Variants in KIAA1549 observed in about 807,000 individuals in gnomAD.
The protein encoded by KIAA1549 is UPF0606 protein KIAA1549.
Under a neutral mutation model 156.4 loss-of-function variants are expected in KIAA1549, and 70 were observed. That is an observed-to-expected ratio of 0.45 (90% CI 0.37 to 0.55). The LOEUF (loss-of-function observed/expected upper bound fraction) is 0.55. Among genes scored for constraint, KIAA1549 ranks in the 20% least tolerant of loss-of-function variants. The pLI is 0.00. For synonymous variants in KIAA1549, 1,103 were observed against 1,066.4 expected (o/e 1.03, Z -0.67); for missense variants, 2,428 against 2,540.9 (o/e 0.96, Z 0.96).
At position 138,925,467 on chromosome 7, in the gene KIAA1549, G is replaced by A. The variant is rs570384464; in HGVS notation, c.188-6029C>T. Among the ~76,000 whole-genome samples the A allele has an allele frequency of 2.0e-5, 3 of 152,190 alleles. No individual in the cohort carries two copies. In the South Asian group the frequency reaches 6.2e-4, roughly 32 times the overall value. The stretch of plus-strand genomic sequence containing the variant: ...GGCTGAAGGCTCTTCATACCACAGC[G>A]TGTTTTGTCAAATCAAGCCACCAAA... On this transcript the variant is annotated intron_variant, in intron 1 of 19. Coordinates refer to ENST00000422774, the MANE Select transcript of KIAA1549 (RefSeq NM_001164665.2).
chr7:138,861,554 T>A, intron 15 of KIAA1549, 98 bp from the exon 16 acceptor site: 3 of 1,022,464 alleles, frequency 2.9e-6, no homozygotes, highest in South Asian at 1.4e-5. Context: ...TCATAAGAAT[T>A]AAAAAATGAC....
Position 138,926,687 on chromosome 7 carries a change from G to C in KIAA1549, c.188-7249C>G, listed in dbSNP as rs190334828. Reference sequence around the variant, plus strand: ...TTCTCCATGTTCCATTTATCTTCCTGGTTTAGAAAAAAGTGTCTTCCCCTT... The same window carrying C: ...TTCTCCATGTTCCATTTATCTTCCTCGTTTAGAAAAAAGTGTCTTCCCCTT... On this transcript the variant is annotated intron_variant, in intron 1 of 19. Coordinates refer to ENST00000422774, the MANE Select transcript of KIAA1549 (RefSeq NM_001164665.2). Among the ~76,000 whole-genome samples the C allele has an allele frequency of 2.6e-3, 402 of 151,934 alleles. 1 individual carries two copies. The highest frequency in any genetic ancestry group is 9.1e-3 in the African/African-American group (378 of 41,454).
chr7:138,862,512 A>G (rs554909078), intron 15 of KIAA1549, among the ~76,000 whole-genome samples: 10 of 151,684 alleles, frequency 6.6e-5, no homozygotes, highest in African/African-American at 2.2e-4. Context: ...TTAAAAAAAA[A>G]AAAAAGAAAA....
chr7:138,913,035 C>T (rs770969435), intron 2 of KIAA1549, among the ~76,000 whole-genome samples: 115 of 152,244 alleles, frequency 7.6e-4, no homozygotes, highest in Non-Finnish European at 1.3e-3. Flanking sequence ...CCACCACGCC[C>T]GGCTAATTTT....
intron 1 of KIAA1549, among the ~76,000 whole-genome samples, chr7:138,965,991 A>G (rs190271794): frequency 6.6e-6 from 1 of 151,836 alleles, no homozygotes; most frequent in Admixed American, 6.6e-5. Context: ...CACCAGGCAC[A>G]CTCCTGCCTC....
intron 1 of KIAA1549, 84 bp downstream of exon 1, chr7:138,980,999 C>A: frequency 8.7e-7 from 1 of 1,144,240 alleles, no homozygotes. Flanking sequence ...AGAGGATGGG[C>A]GGGGAAAGCC....
chr7:138,908,383 T>C (rs1317503865), intron 5 of KIAA1549, among the ~76,000 whole-genome samples: 2 of 152,108 alleles, frequency 1.3e-5, no homozygotes, highest in Admixed American at 6.5e-5. Flanking sequence ...AAAAATTCAG[T>C]AGAGGGATTG....
intron 8 of KIAA1549, among the ~76,000 whole-genome samples, chr7:138,901,308 T>C (rs1210420750): frequency 6.6e-6 from 1 of 151,314 alleles, no homozygotes; most frequent in East Asian, 1.9e-4. Context: ...CATACTTTTG[T>C]AGCCTCTCTT....
rs547072165 is a variant in KIAA1549 at position 138,883,186 on chromosome 7, T to G, written c.4033-1602A>C. The stretch of plus-strand genomic sequence containing the variant: ...TACTCGGGAGGGTGAGGCAGGAGAA[T>G]CACTTCAACCTAGGAGTTGGAGATT... On this transcript the variant is annotated intron_variant, in intron 10 of 19. Transcript: ENST00000422774. Among the ~76,000 whole-genome samples, 48 of 135,852 alleles carry G rather than the reference T, an allele frequency of 3.5e-4. No homozygotes were observed. In the South Asian group the frequency reaches 0.01, roughly 29 times the overall value. 89.1% of individuals were successfully genotyped at this position (135,852 alleles called of 152,430 possible). A position where few individuals can be genotyped will look rare whatever the true frequency, so the allele number is the denominator to read the frequency against.
chr7:138,833,755 A>T lies in KIAA1549; in HGVS notation c.*4151T>A. The T allele has an allele frequency of 4.3e-6, 1 of 233,110 alleles. No individual in the cohort carries two copies. The highest frequency in any genetic ancestry group is 8.5e-6 in the Non-Finnish European group (1 of 117,954). The allele number at this position is 233,110 out of a possible 1,614,324, so 14.4% of individuals were successfully genotyped here. A position where few individuals can be genotyped will look rare whatever the true frequency, so the allele number is the denominator to read the frequency against. On this transcript the variant is annotated 3_prime_UTR_variant, in exon 20 of 20. Transcript: ENST00000422774. Reference sequence around the variant, plus strand: ...AAACGGCTGCTTGAGATCTGCTCTAAACAATGACCTCAGTGTCATTCTCAT... The same window carrying T: ...AAACGGCTGCTTGAGATCTGCTCTATACAATGACCTCAGTGTCATTCTCAT...
intron 17 of KIAA1549, among the ~76,000 whole-genome samples, chr7:138,845,030 A>G (rs1810034861): frequency 6.6e-6 from 1 of 152,176 alleles, no homozygotes. Flanking sequence ...AAAGCAGCGG[A>G]TCGCAAACTT....
At chr7:138,938,834 G>A (rs1156264799) in intron 1 of KIAA1549, among the ~76,000 whole-genome samples, 2 of 152,028 alleles carry the variant, frequency 1.3e-5, no homozygotes, top group Non-Finnish European at 2.9e-5. Context: ...CATTACCTGA[G>A]GACAAGAGTA....
Position 138,912,391 on chromosome 7 carries a change from T to C in KIAA1549, c.2948A>G (p.Asn983Ser), listed in dbSNP as rs748690147. 7.4e-6 allele frequency: 12 copies of C among 1,613,772 alleles called. No individual in the cohort carries two copies. In the Admixed American group the frequency reaches 1.3e-4, roughly 18 times the overall value. ...AIKEVLRIHF[N>S]RAVELKVYEL... ...ACTCACCTTCAGTTCCACTGCACGG[T>C]TGAAGTGAATCCTCAGTACTTCTTT... The change falls in exon 3 of 20, where the codon AAC becomes AGC. Residue 983 changes from asparagine to serine, a missense_variant. Physicochemically the swap from Asn to Ser is conservative, Grantham distance 46. Around this residue, in one of 5 missense-constraint regions of KIAA1549, gnomAD observed 762 missense variants for 901.6 expected, o/e 0.85. Transcript: ENST00000422774.
intron 1 of KIAA1549, among the ~76,000 whole-genome samples, chr7:138,923,120 C>G (rs1812609224): frequency 6.6e-6 from 1 of 152,192 alleles, no homozygotes; most frequent in Non-Finnish European, 1.5e-5. Flanking sequence ...ACAAAATCCT[C>G]AAGTGCTGAG....
Position 138,920,164 on chromosome 7 carries a change from T to C in KIAA1549, c.188-726A>G, listed in dbSNP as rs568983114. Among the ~76,000 whole-genome samples, 39 of 145,590 alleles carry C rather than the reference T, an allele frequency of 2.7e-4. 1 individual carries two copies. The East Asian group carries it at 3.8e-3, about 14-fold the overall frequency. On this transcript the variant is annotated intron_variant, in intron 1 of 19. Transcript: ENST00000422774. ...TGCACATTCTCACCCCCGCCTGGAA[T>C]GCCCTTCCCAGCTCTCTACATGGAT...
rs1327227426 is a variant in KIAA1549 at position 138,833,028 on chromosome 7, G to GT, written c.*4877dup. 4.3e-6 allele frequency: 1 copy of GT among 232,072 alleles called. No individual in the cohort carries two copies. The highest frequency in any genetic ancestry group is 8.5e-6 in the Non-Finnish European group (1 of 117,366). 14.4% of individuals were successfully genotyped at this position (232,072 alleles called of 1,614,324 possible). On this transcript the variant is annotated 3_prime_UTR_variant, in exon 20 of 20. Coordinates refer to ENST00000422774, the MANE Select transcript of KIAA1549 (RefSeq NM_001164665.2). ...TCAGTTGACTATGCCATAGAAATGT[G>GT]TTTTGTGTTCACATGCTCTGTCTGC... is the stretch of plus-strand genomic sequence containing the variant.
intron 12 of KIAA1549, among the ~76,000 whole-genome samples, chr7:138,878,540 C>T (rs1452732460): frequency 6.6e-6 from 1 of 152,182 alleles, no homozygotes; most frequent in Non-Finnish European, 1.5e-5. Context: ...GCGGATGGAT[C>T]GCTTGAGTCA....
intron 1 of KIAA1549, among the ~76,000 whole-genome samples, chr7:138,932,162 TA>T (rs1023084580): frequency 2.0e-5 from 3 of 152,228 alleles, no homozygotes; most frequent in African/African-American, 7.2e-5. Flanking sequence ...AATTAAAAAT[TA>T]AAATTATAAA....
chr7:138,916,774 A>G lies in KIAA1549; in HGVS notation c.2852T>C (p.Val951Ala), dbSNP rs764799334. ...AKPPYVCDIT[V>A]PDAYLITTVL... ...AGTTGTGATCAGATAGGCATCGGGG[A>G]CTGTGATATCACAAACATATGGCGG... is the stretch of plus-strand genomic sequence containing the variant. Residue 951 changes from valine to alanine, a missense_variant, in exon 2 of 20, where the codon GTC becomes GCC. Val to Ala is a moderately conservative substitution (Grantham distance 64). Transcript: ENST00000422774. 6.2e-7 allele frequency: 1 copy of G among 1,613,946 alleles called. No individual in the cohort carries two copies. The highest frequency in any genetic ancestry group is 1.1e-5 in the South Asian group (1 of 91,058).
Sources: allele counts gnomAD v4.1 joint callset (sites outside exome capture counted in the v4.1 genomes callset), GRCh38; gene constraint gnomAD v4.1.1; regional missense constraint gnomAD v4.1.1; transcripts MANE v1.5; gene names NCBI Gene and HGNC (gene_info 2026-07-23, HGNC 2026-07-21).